Variants in GPR137 observed in about 807,000 individuals in gnomAD.
GPR137 encodes the protein G protein-coupled receptor 137, also known as integral membrane protein GPR137.
Under a neutral mutation model 38.9 loss-of-function variants are expected in GPR137, and 20 were observed. That is an observed-to-expected ratio of 0.51 (90% CI 0.36 to 0.75). GPR137 has a LOEUF of 0.75. GPR137 is among the 30% of genes least tolerant of loss of function. The probability of loss-of-function intolerance (pLI) is 0.00; values close to 1 mark genes in which losing one functional copy is unlikely to be tolerated. For missense variants in GPR137, 456 were observed against 526.4 expected, an observed-to-expected ratio of 0.87 and a Z score of 1.31; for synonymous variants, 226 against 235.8, an observed-to-expected ratio of 0.96 and a Z score of 0.38.
At chr11:64,273,310 T>C (rs1233519364), upstream of GPR137, among the ~76,000 whole-genome samples, 1 of 151,984 alleles carries the variant, frequency 6.6e-6, no homozygotes, top group East Asian at 1.9e-4. Flanking sequence ...TGGGTGGAGG[T>C]TGCAGTGAGC....
At chr11:64,276,847 T>C (rs1296207476) in intron 2 of GPR137, 2 of 728,910 alleles carry the variant, frequency 2.7e-6, no homozygotes, top group Non-Finnish European at 5.1e-6. Context: ...CGGAGCTGGG[T>C]GTGGAAGTGG....
upstream of GPR137, chr11:64,285,302 G>A (rs2033826592): frequency 2.0e-6 from 2 of 985,728 alleles, no homozygotes; most frequent in Non-Finnish European, 2.4e-6. Flanking sequence ...CTGCCCGGGC[G>A]CGGGAGGAGG....
chr11:64,289,146 C>T lies in GPR137; in HGVS notation c.1141C>T (p.Pro381Ser). ...KTTPLLFSQV[P>S]GPGGHHHSLY... is the part of the protein sequence containing the mutation. ...CACTCCTCTGCTCTTCTCCCAGGTG[C>T]CAGGACCAGGCGGCCACCACCACAG... Residue 381 changes from proline to serine, a missense_variant, in exon 7 of 7, where the codon CCA becomes TCA. Physicochemically the swap from Pro to Ser is moderately conservative, Grantham distance 74. Transcript: ENST00000438980. 6.2e-7 allele frequency: 1 copy of T among 1,613,672 alleles called. No individual in the cohort carries two copies.
At chr11:64,284,911 A>C (rs2033784998), upstream of GPR137, 2 of 1,424,486 alleles carry the variant, frequency 1.4e-6, no homozygotes, top group South Asian at 3.0e-5. Context: ...GGAGCAGGAG[A>C]GGGATTCTCT....
In GPR137 at chr11:64,286,491, G is replaced by C. The variant is rs1448765314; in HGVS notation, c.-34G>C. ...CTGGTCCCGCCGACAGTCCCTCCTT[G>C]TCTGTCTCCGGGATTCAGGCCTCCC... is the stretch of plus-strand genomic sequence containing the variant. On this transcript the variant is annotated 5_prime_UTR_variant, in exon 1 of 7. Coordinates refer to ENST00000438980, the MANE Select transcript of GPR137 (RefSeq NM_001170880.2). 1 of 1,584,132 alleles carries C rather than the reference G, an allele frequency of 6.3e-7. No homozygotes were observed. The highest frequency in any genetic ancestry group is 8.6e-7 in the Non-Finnish European group (1 of 1,163,772).
upstream of GPR137, among the ~76,000 whole-genome samples, chr11:64,282,039 C>G (rs148623390): frequency 3.2e-4 from 48 of 152,252 alleles, no homozygotes; most frequent in East Asian, 8.7e-3. Flanking sequence ...CTTTTACATG[C>G]TGCCCCCATA....
chr11:64,285,343 G>T (rs976129366), upstream of GPR137: 4 of 985,076 alleles, frequency 4.1e-6, no homozygotes, highest in African/African-American at 7.0e-5. Flanking sequence ...GGACCGTAGG[G>T]CCCGTGGGGG....
At chr11:64,284,484 G>C, upstream of GPR137, 2 of 1,586,928 alleles carry the variant, frequency 1.3e-6, no homozygotes, top group Non-Finnish European at 8.5e-7. Flanking sequence ...GCGCCCCCAG[G>C]CCCGCCAGGC....
In GPR137 at chr11:64,289,036, G is replaced by A. The variant is rs774125404; in HGVS notation, c.1032-1G>A. 6.4e-7 allele frequency: 1 copy of A among 1,558,120 alleles called. No homozygotes were observed. Among genetic ancestry groups the A allele is most frequent in the Non-Finnish European group, 8.7e-7 (1 of 1,156,020 alleles). ...AGACTGACCCTGTTTCTCTGCTGCA[G>A]TATGTCGGGCAGTCTAGGCTCTGGG... On this transcript the variant is annotated splice_acceptor_variant, in intron 6 of 6. Transcript: ENST00000438980. LOFTEE classifies it high-confidence loss of function.
At chr11:64,271,614 T>C, upstream of GPR137, 1 of 1,484,916 alleles carries the variant, frequency 6.7e-7, no homozygotes, top group Admixed American at 2.4e-5. Context: ...GGCGCTCACC[T>C]TAAAGGAGTC....
chr11:64,285,447 G>C (rs1266286787), upstream of GPR137: 8 of 984,040 alleles, frequency 8.1e-6, no homozygotes, highest in Non-Finnish European at 9.7e-6. Flanking sequence ...GGCTCCGCGG[G>C]TTCAGGCCCG....
At chr11:64,280,527 A>AT (rs2033395764), upstream of GPR137, among the ~76,000 whole-genome samples, 1 of 139,456 alleles carries the variant, frequency 7.2e-6, no homozygotes, top group African/African-American at 2.7e-5. Context: ...AATTTTTTGT[A>AT]TTTTTAGTAG....
upstream of GPR137, among the ~76,000 whole-genome samples, chr11:64,282,957 C>G (rs749731290): frequency 1.3e-5 from 2 of 151,364 alleles, no homozygotes; most frequent in Non-Finnish European, 2.9e-5. Context: ...TTCCCAGTTA[C>G]GTGGGAGGAT....
intron 2 of GPR137, chr11:64,276,627 C>CTAA (rs1176572007): frequency 2.8e-6 from 1 of 362,554 alleles, no homozygotes; most frequent in African/African-American, 2.1e-5. Context: ...GTGCCCAGCC[C>CTAA]TAAATTGAAT....
chr11:64,285,727 G>A, upstream of GPR137: 1 of 985,392 alleles, frequency 1.0e-6, no homozygotes, highest in Non-Finnish European at 1.2e-6. Flanking sequence ...CAGCGGCGCA[G>A]CTCGCGCCAA....
At chr11:64,284,465 C>A, upstream of GPR137, 1 of 1,596,252 alleles carries the variant, frequency 6.3e-7, no homozygotes, top group South Asian at 1.1e-5. Flanking sequence ...GGCTTCCTCT[C>A]CCACCGTAGC....
At chr11:64,276,298 T>TTGTGTGTG (rs1555068869) in intron 1 of GPR137, 1 of 146,068 alleles carries the variant, frequency 6.8e-6, no homozygotes, top group Non-Finnish European at 1.5e-5. Flanking sequence ...GTGTATATAT[T>TTGTGTGTG]TGTGTGTGTG....
At chr11:64,271,775 G>A (rs368351638), upstream of GPR137, 8 of 1,418,346 alleles carry the variant, frequency 5.6e-6, no homozygotes, top group African/African-American at 1.2e-4. Flanking sequence ...AGGAGCTGTG[G>A]CGACTCCGGA....
upstream of GPR137, chr11:64,284,552 C>T: frequency 2.0e-6 from 3 of 1,496,500 alleles, no homozygotes; most frequent in Admixed American, 6.4e-5. Context: ...AGGCTGTCGG[C>T]TCAGGACCTC....
Sources: allele counts gnomAD v4.1 joint callset (sites outside exome capture counted in the v4.1 genomes callset), GRCh38; gene constraint gnomAD v4.1.1; transcripts MANE v1.5; gene names NCBI Gene and HGNC (gene_info 2026-07-23, HGNC 2026-07-21).